DSCAM: variants seen among roughly 807,000 people sequenced by gnomAD.
DSCAM encodes cell adhesion molecule DSCAM.
A neutral mutation model predicts 217.7 loss-of-function variants in DSCAM; 47 were observed. The ratio of observed to expected loss-of-function variants is 0.22; its 90% CI spans 0.17 to 0.28. DSCAM has a LOEUF of 0.28. Ranked by LOEUF, DSCAM falls within the 10% of genes least tolerant of loss-of-function variation. The pLI is 1.00. For synonymous variants in DSCAM, 1,056 were observed against 1,015.3 expected (o/e 1.04, Z -0.76); for missense variants, 2,080 against 2,618.3 (o/e 0.79, Z 4.49).
chr21:40,081,775 C>T (rs565312263), intron 24 of DSCAM, among the ~76,000 whole-genome samples: 2 of 152,300 alleles, frequency 1.3e-5, no homozygotes, highest in East Asian at 1.9e-4. Context: ...ACACAACTTA[C>T]GACACCTCCT....
At chr21:40,306,439 T>C (rs1390618746) in intron 9 of DSCAM, among the ~76,000 whole-genome samples, 1 of 149,534 alleles carries the variant, frequency 6.7e-6, no homozygotes, top group Admixed American at 6.7e-5. Flanking sequence ...TTTATTTCCT[T>C]CTCCTGCCTA....
rs374297115 is a variant in DSCAM, at chr21:40,636,465, GT to G, written c.508+56344del. Among the ~76,000 whole-genome samples the G allele has an allele frequency of 7.9e-4, 120 of 152,114 alleles. 2 individuals are homozygous for G. The highest frequency in any genetic ancestry group is 2.7e-3 in the African/African-American group (111 of 41,496). Reference sequence around the variant, plus strand: ...GAATGGAAATAACTTTGATTCTTAGGTTATATTTGATCATCACCAAGTCCTT... The same window carrying G: ...GAATGGAAATAACTTTGATTCTTAGGTATATTTGATCATCACCAAGTCCTT... On this transcript the variant is annotated intron_variant, in intron 3 of 32. Coordinates refer to ENST00000400454, the MANE Select transcript of DSCAM (RefSeq NM_001389.5).
rs780516069 is a variant in DSCAM at position 40,189,073 on chromosome 21, T to G, written c.2522A>C (p.Glu841Ala). 6.2e-7 allele frequency: 1 copy of G among 1,614,042 alleles called. No individual in the cohort carries two copies. Among genetic ancestry groups the G allele is most frequent in the African/African-American group, 1.3e-5 (1 of 74,916 alleles). The change falls in exon 12 of 33, where the codon GAG becomes GCG. Residue 841 changes from glutamate (E) to alanine (A), a missense_variant. This residue lies in a region of DSCAM where 1,144 missense variants were observed against 1,421.1 expected (regional missense o/e 0.81). Transcript: ENST00000400454. ...EMARYLVSTK[E>A]VGEEVISTLQ... The stretch of plus-strand genomic sequence containing the variant: ...AGTAGAAATCACCTCTTCTCCCACC[T>G]CCTTGGTGGACACAAGATAACGGGC...
chr21:40,357,591 C>T (rs1191351600), intron 4 of DSCAM, among the ~76,000 whole-genome samples: 1 of 152,088 alleles, frequency 6.6e-6, no homozygotes, highest in Non-Finnish European at 1.5e-5. Flanking sequence ...GAAATCACAT[C>T]CAAGATAATA....
At chr21:40,125,200 A>G (rs564962613) in intron 19 of DSCAM, among the ~76,000 whole-genome samples, 2 of 152,314 alleles carry the variant, frequency 1.3e-5, no homozygotes, top group East Asian at 3.9e-4. Flanking sequence ...ACCAGCTAAG[A>G]AGGCAGAACA....
At chr21:40,169,043 A>C (rs943320817) in intron 15 of DSCAM, among the ~76,000 whole-genome samples, 1 of 152,190 alleles carries the variant, frequency 6.6e-6, no homozygotes, top group African/African-American at 2.4e-5. Flanking sequence ...AAATGGGAGA[A>C]ATTTAACAAC....
At chr21:40,435,121 C>T (rs1034114187) in intron 3 of DSCAM, among the ~76,000 whole-genome samples, 6 of 152,184 alleles carry the variant, frequency 3.9e-5, no homozygotes, top group African/African-American at 7.2e-5. Flanking sequence ...GAGATTACCC[C>T]GGAATCACCC....
At chr21:40,020,101 T>C (rs1010081551) in intron 32 of DSCAM, among the ~76,000 whole-genome samples, 9 of 152,210 alleles carry the variant, frequency 5.9e-5, no homozygotes, top group Non-Finnish European at 1.2e-4. Context: ...TGGGAAGTAA[T>C]TGAATCATGG....
chr21:40,843,790 CT>C (rs56383167), intron 1 of DSCAM, among the ~76,000 whole-genome samples: 40,221 of 118,862 alleles, frequency 0.34, 4,858 homozygotes, highest in African/African-American at 0.45. Context: ...CTGACTTCTT[CT>C]TTTTTTTTTT....
chr21:40,645,619 C>G (rs1159805861), intron 3 of DSCAM, among the ~76,000 whole-genome samples: 1 of 152,038 alleles, frequency 6.6e-6, no homozygotes, highest in Non-Finnish European at 1.5e-5. Context: ...GGCAGGCATA[C>G]ACGGTGCCCC....
chr21:40,664,631 C>T (rs867597475), intron 3 of DSCAM, among the ~76,000 whole-genome samples: 23 of 152,306 alleles, frequency 1.5e-4, no homozygotes, highest in Non-Finnish European at 1.0e-4. Flanking sequence ...TTTGGCCAGA[C>T]TGGGAGCCAC....
At chr21:40,145,573 G>A (rs747522415) in intron 16 of DSCAM, among the ~76,000 whole-genome samples, 6 of 152,078 alleles carry the variant, frequency 3.9e-5, no homozygotes, top group Admixed American at 1.3e-4. Flanking sequence ...GGCTGGGCGC[G>A]GTGGCTCACA....
rs762178981 is a variant in DSCAM, at chr21:40,179,055, G to A, written c.2819C>T (p.Pro940Leu). ...DSAQRTKDVSPQLNSATIIDI... is the reference protein window; with the variant it reads ...DSAQRTKDVSLQLNSATIIDI... ...AATGATGGTGGCCGAGTTCAGCTGA[G>A]GGGAAACATCTTTGGTTCTCTGAGC... is the stretch of plus-strand genomic sequence containing the variant. The change falls in exon 15 of 33, where the codon CCT becomes CTT. Residue 940 changes from proline to leucine, a missense_variant. Physicochemically the swap from Pro to Leu is moderately conservative, Grantham distance 98 (BLOSUM62 -3). Coordinates refer to ENST00000400454, the MANE Select transcript of DSCAM (RefSeq NM_001389.5). 1.2e-6 allele frequency: 2 copies of A among 1,614,074 alleles called. No individual in the cohort carries two copies. The highest frequency in any genetic ancestry group is 1.7e-6 in the Non-Finnish European group (2 of 1,180,014).
chr21:40,662,122 TAAAAC>T (rs1247800881), intron 3 of DSCAM, among the ~76,000 whole-genome samples: 160 of 90,426 alleles, frequency 1.8e-3, no homozygotes, highest in African/African-American at 6.2e-3. Context: ...ATTACGTTGT[TAAAAC>T]AAACAAACAA....
At chr21:40,096,019 C>T (rs1023813841) in intron 20 of DSCAM, among the ~76,000 whole-genome samples, 9 of 151,996 alleles carry the variant, frequency 5.9e-5, no homozygotes, top group Admixed American at 3.9e-4. Context: ...ATATTGGGGC[C>T]CCCAAATCAC....
At chr21:40,220,598 T>C (rs1217534424) in intron 11 of DSCAM, among the ~76,000 whole-genome samples, 1 of 152,238 alleles carries the variant, frequency 6.6e-6, no homozygotes, top group African/African-American at 2.4e-5. Flanking sequence ...TCTGCTATGA[T>C]AAACTCTAAC....
chr21:40,296,389 A>G (rs534340788), intron 9 of DSCAM, among the ~76,000 whole-genome samples: 1 of 152,352 alleles, frequency 6.6e-6, no homozygotes, highest in Admixed American at 6.5e-5. Flanking sequence ...AGCTTTTGTC[A>G]CAGGTAAAAG....
chr21:40,399,361 G>C (rs558604385), intron 3 of DSCAM, among the ~76,000 whole-genome samples: 2 of 152,296 alleles, frequency 1.3e-5, no homozygotes, highest in African/African-American at 4.8e-5. Flanking sequence ...CATTGATTTT[G>C]AGAGTATGGG....
At chr21:40,341,810 A>G (rs569129043) in intron 6 of DSCAM, among the ~76,000 whole-genome samples, 79 of 152,352 alleles carry the variant, frequency 5.2e-4, no homozygotes, top group African/African-American at 1.7e-3. Context: ...AATTCTGTCC[A>G]TTGACCGCTA....
Sources: allele counts gnomAD v4.1 joint callset (sites outside exome capture counted in the v4.1 genomes callset), GRCh38; gene constraint gnomAD v4.1.1; regional missense constraint gnomAD v4.1.1; transcripts MANE v1.5; gene names NCBI Gene and HGNC (gene_info 2026-07-23, HGNC 2026-07-21).